Variants in FSTL4 observed in about 807,000 individuals in gnomAD.
FSTL4 encodes the protein follistatin-related protein 4.
A neutral mutation model predicts 78.2 loss-of-function variants in FSTL4; 28 were observed. That is an observed-to-expected ratio of 0.36 (90% confidence interval 0.27 to 0.49). The LOEUF (loss-of-function observed/expected upper bound fraction) is 0.49. Among genes scored for constraint, FSTL4 ranks in the 20% least tolerant of loss-of-function variants. The pLI is 0.98. For synonymous variants in FSTL4, 422 were observed against 440.5 expected (o/e 0.96, Z 0.53); for missense variants, 922 against 1,084.9 (o/e 0.85, Z 2.11).
At chr5:133,277,521 AT>A (rs1450484505) in intron 6 of FSTL4, among the ~76,000 whole-genome samples, 1 of 152,242 alleles carries the variant, frequency 6.6e-6, no homozygotes, top group East Asian at 1.9e-4. Flanking sequence ...TATCTAAAAA[AT>A]AACTGAAATA....
intron 3 of FSTL4, among the ~76,000 whole-genome samples, chr5:133,559,689 G>T (rs1468611429): frequency 6.6e-6 from 1 of 152,218 alleles, no homozygotes; most frequent in Non-Finnish European, 1.5e-5. Flanking sequence ...GTGATTAGGG[G>T]TTCATTATCC....
In FSTL4 at chr5:133,429,912, C is replaced by T. The variant is rs188323721; in HGVS notation, c.161-28926G>A. On this transcript the variant is annotated intron_variant, in intron 3 of 15. Transcript: ENST00000265342. ...GGTTAATTGGGTCTGTGCCAGAGTTCACATATTCTTGTTTTCGCATCTCTA... is the reference window on the plus strand; with the variant it reads ...GGTTAATTGGGTCTGTGCCAGAGTTTACATATTCTTGTTTTCGCATCTCTA... Among the ~76,000 whole-genome samples, 119 of 152,286 alleles carry T rather than the reference C, an allele frequency of 7.8e-4. 1 individual carries two copies. Among genetic ancestry groups the T allele is most frequent in the African/African-American group, 2.8e-3 (117 of 41,550 alleles).
At chr5:133,559,042 T>C (rs952858411) in intron 3 of FSTL4, among the ~76,000 whole-genome samples, 1 of 152,228 alleles carries the variant, frequency 6.6e-6, no homozygotes, top group Admixed American at 6.5e-5. Flanking sequence ...GACAGGTTTG[T>C]TGTTTTTTAC....
At chr5:133,569,519 A>AGT (rs1448913382) in intron 2 of FSTL4, among the ~76,000 whole-genome samples, 1 of 152,172 alleles carries the variant, frequency 6.6e-6, no homozygotes, top group African/African-American at 2.4e-5. Flanking sequence ...GTTTCCCTCT[A>AGT]GTGGAATGTG....
At chr5:133,616,826 T>C (rs1210952526), upstream of FSTL4, among the ~76,000 whole-genome samples, 1 of 152,218 alleles carries the variant, frequency 6.6e-6, no homozygotes, top group Non-Finnish European at 1.5e-5. Flanking sequence ...CTGGACTTAG[T>C]TGATAGGCCA....
chr5:133,428,460 C>T (rs1756872594), intron 3 of FSTL4, among the ~76,000 whole-genome samples: 1 of 152,182 alleles, frequency 6.6e-6, no homozygotes, highest in South Asian at 2.1e-4. Flanking sequence ...CTGTCCAGAG[C>T]CAACAGGACA....
At chr5:133,678,463 G>T in the FSTL4 span, among the ~76,000 whole-genome samples, 1 of 152,078 alleles carries the variant, frequency 6.6e-6, no homozygotes. Context: ...AGCCAACAAG[G>T]GTAATCCCAA....
At chr5:133,511,240 T>C (rs933378006) in intron 3 of FSTL4, among the ~76,000 whole-genome samples, 4 of 152,226 alleles carry the variant, frequency 2.6e-5, no homozygotes, top group South Asian at 4.1e-4. Context: ...GGTTAGGACA[T>C]GATCAGCACC....
chr5:133,337,403 A>C (rs922237083), intron 4 of FSTL4, among the ~76,000 whole-genome samples: 2 of 152,202 alleles, frequency 1.3e-5, no homozygotes, highest in Non-Finnish European at 2.9e-5. Flanking sequence ...TCACGGGGGC[A>C]GCTGGCTCTG....
intron 4 of FSTL4, among the ~76,000 whole-genome samples, chr5:133,376,749 T>G (rs1755444245): frequency 6.6e-6 from 1 of 151,928 alleles, no homozygotes; most frequent in Non-Finnish European, 1.5e-5. Flanking sequence ...ATTAGCCAGG[T>G]GTGGTGGTGG....
intron 3 of FSTL4, among the ~76,000 whole-genome samples, chr5:133,468,100 T>G (rs1757750406): frequency 6.6e-6 from 1 of 152,164 alleles, no homozygotes; most frequent in South Asian, 2.1e-4. Flanking sequence ...GGTGACTTAC[T>G]TGGTAGCCTG....
At chr5:133,805,698 C>T in the FSTL4 span, among the ~76,000 whole-genome samples, 1 of 152,206 alleles carries the variant, frequency 6.6e-6, no homozygotes, top group Non-Finnish European at 1.5e-5. Flanking sequence ...GTTCCACCTC[C>T]AGGATGTCCT....
the FSTL4 span, among the ~76,000 whole-genome samples, chr5:133,642,290 C>T: frequency 6.6e-6 from 1 of 152,126 alleles, no homozygotes; most frequent in African/African-American, 2.4e-5. Context: ...AGATGAGTCC[C>T]CAACAGAGCC....
chr5:133,443,416 A>G (rs1286974525), intron 3 of FSTL4, among the ~76,000 whole-genome samples: 2 of 152,238 alleles, frequency 1.3e-5, no homozygotes, highest in Non-Finnish European at 2.9e-5. Context: ...GGCGCAACTC[A>G]TTCATGGTGT....
chr5:133,450,463 C>T (rs531243037), intron 3 of FSTL4, among the ~76,000 whole-genome samples: 8 of 152,248 alleles, frequency 5.3e-5, no homozygotes, highest in Admixed American at 6.5e-5. Context: ...CGAGCACTCA[C>T]GGCCCACAGG....
At chr5:133,795,425 A>G in the FSTL4 span, among the ~76,000 whole-genome samples, 3 of 152,244 alleles carry the variant, frequency 2.0e-5, no homozygotes, top group African/African-American at 4.8e-5. Flanking sequence ...ATGAGAATAT[A>G]AAGTCATCAG....
At chr5:133,596,347 G>A (rs897698740) in intron 2 of FSTL4, among the ~76,000 whole-genome samples, 2 of 152,214 alleles carry the variant, frequency 1.3e-5, no homozygotes, top group African/African-American at 4.8e-5. Flanking sequence ...CAGGTGGGGA[G>A]GCGCTTCTGT....
intron 6 of FSTL4, among the ~76,000 whole-genome samples, chr5:133,288,230 C>T (rs1426576979): frequency 6.6e-6 from 1 of 152,228 alleles, no homozygotes; most frequent in South Asian, 2.1e-4. Context: ...GTGACTTAAC[C>T]TTTCTGAGGG....
At chr5:133,547,216 C>A (rs1380394785) in intron 3 of FSTL4, among the ~76,000 whole-genome samples, 1 of 149,218 alleles carries the variant, frequency 6.7e-6, no homozygotes, top group Non-Finnish European at 1.5e-5. Flanking sequence ...CCTGATACTC[C>A]TTTCTTCTTG....
Sources: gnomAD v4.1 joint callset for allele counts (sites outside exome capture counted in the v4.1 genomes callset) on GRCh38, gnomAD v4.1.1 for gene constraint, MANE v1.5 for transcripts, NCBI Gene and HGNC (gene_info 2026-07-23, HGNC 2026-07-21) for gene names.